The following LYPD6 variants were observed in gnomAD, a reference collection of about 807,000 sequenced individuals.
LYPD6 encodes ly6/PLAUR domain-containing protein 6.
In LYPD6, 15 loss-of-function variants were observed where a neutral mutation model predicts 22.7. That is an observed-to-expected ratio of 0.66 (90% CI 0.44 to 1.02). The LOEUF (loss-of-function observed/expected upper bound fraction) is 1.02. Among genes scored for constraint, LYPD6 ranks in the 50% least tolerant of loss-of-function variants. The pLI is 0.00. For synonymous variants in LYPD6, 72 were observed against 77.5 expected (o/e 0.93, Z 0.37); for missense variants, 189 against 208.4 (o/e 0.91, Z 0.57).
intron 1 of LYPD6, among the ~76,000 whole-genome samples, chr2:149,337,042 T>C (rs1441678643): frequency 6.6e-6 from 1 of 152,002 alleles, no homozygotes; most frequent in Non-Finnish European, 1.5e-5. Flanking sequence ...TTACATTCAA[T>C]GGATTTTACA....
intron 1 of LYPD6, among the ~76,000 whole-genome samples, chr2:149,415,991 A>G (rs186619784): frequency 6.6e-6 from 1 of 152,228 alleles, no homozygotes; most frequent in Admixed American, 6.5e-5. Flanking sequence ...CTAACCTGTA[A>G]TTCTAAGAAA....
chr2:149,475,495 A>T (rs1373146868), downstream of LYPD6, among the ~76,000 whole-genome samples: 1 of 152,196 alleles, frequency 6.6e-6, no homozygotes, highest in Non-Finnish European at 1.5e-5. Flanking sequence ...GCAAATTTCC[A>T]AAGTGTCTTT....
chr2:149,475,515 C>T (rs1228466217), downstream of LYPD6, among the ~76,000 whole-genome samples: 1 of 152,152 alleles, frequency 6.6e-6, no homozygotes, highest in Non-Finnish European at 1.5e-5. Context: ...TCAAATGAAG[C>T]CTTCACTTTC....
chr2:149,452,797 T>C (rs753029128), intron 3 of LYPD6, among the ~76,000 whole-genome samples: 3 of 152,198 alleles, frequency 2.0e-5, no homozygotes, highest in Non-Finnish European at 4.4e-5. Flanking sequence ...TCAGACTTGT[T>C]TTGAGTTATT....
At chr2:149,375,528 CTAAAAA>C (rs1559129357) in intron 1 of LYPD6, among the ~76,000 whole-genome samples, 1 of 152,108 alleles carries the variant, frequency 6.6e-6, no homozygotes, top group African/African-American at 2.4e-5. Context: ...TCCCAGTGGT[CTAAAAA>C]TAGATTTAGA....
downstream of LYPD6, among the ~76,000 whole-genome samples, chr2:149,475,698 G>C (rs1681438966): frequency 6.6e-6 from 1 of 152,210 alleles, no homozygotes; most frequent in South Asian, 2.1e-4. Flanking sequence ...CTAAAATCTA[G>C]AGCCTAAGAA....
In LYPD6 at chr2:149,417,631, T is replaced by G. The variant is rs1682993032; in HGVS notation, c.-71-20007T>G. 4.6e-5 allele frequency among the ~76,000 whole-genome samples: 7 copies of G among 152,284 alleles called. No individual in the cohort carries two copies. In the South Asian group the frequency reaches 1.5e-3, roughly 32 times the overall value. On this transcript the variant is annotated intron_variant, in intron 1 of 4. Transcript: ENST00000334166. ...ACCAGAAAGGATTTCATGTGTTAAA[T>G]TTTTGATGCTGCATTTTAGAGTAAA... is the stretch of plus-strand genomic sequence containing the variant.
chr2:149,374,164 T>C (rs1681868020), intron 1 of LYPD6, among the ~76,000 whole-genome samples: 1 of 152,074 alleles, frequency 6.6e-6, no homozygotes. Context: ...ATCTCAATAA[T>C]GGAAAGAAAC....
intron 1 of LYPD6, among the ~76,000 whole-genome samples, chr2:149,420,567 TC>T (rs1683056088): frequency 6.6e-6 from 1 of 152,152 alleles, no homozygotes; most frequent in African/African-American, 2.4e-5. Flanking sequence ...GACAACCACT[TC>T]CATCAAGAGG....
chr2:149,349,175 A>G (rs1210234572), intron 1 of LYPD6, among the ~76,000 whole-genome samples: 2 of 152,110 alleles, frequency 1.3e-5, no homozygotes, highest in African/African-American at 4.8e-5. Flanking sequence ...TTCAGGGGAG[A>G]CATCTGGGCT....
chr2:149,403,416 T>C (rs1181592369), intron 1 of LYPD6, among the ~76,000 whole-genome samples: 11 of 149,480 alleles, frequency 7.4e-5, no homozygotes, highest in Middle Eastern at 3.4e-3. Context: ...TTTTAATGAT[T>C]GCCATTCTAA....
At chr2:149,330,502 G>A (rs1411080965), upstream of LYPD6, 1 of 149,108 alleles carries the variant, frequency 6.7e-6, no homozygotes, top group Non-Finnish European at 1.5e-5. Flanking sequence ...GGCCGGCCGC[G>A]GCTGCGGGCG....
At chr2:149,478,091 T>G (rs1573840988), downstream of LYPD6, among the ~76,000 whole-genome samples, 1 of 152,150 alleles carries the variant, frequency 6.6e-6, no homozygotes, top group East Asian at 1.9e-4. Context: ...TAGAATCACC[T>G]GGGGTAGGGG....
chr2:149,441,542 T>C (rs1366991568), intron 2 of LYPD6, among the ~76,000 whole-genome samples: 1 of 152,232 alleles, frequency 6.6e-6, no homozygotes, highest in Non-Finnish European at 1.5e-5. Flanking sequence ...CTTTGAAGTT[T>C]CTGAACATTT....
At chr2:149,430,507 C>T (rs1272571861) in intron 1 of LYPD6, among the ~76,000 whole-genome samples, 1 of 152,144 alleles carries the variant, frequency 6.6e-6, no homozygotes, top group African/African-American at 2.4e-5. Context: ...TTTGAAAGAC[C>T]TACCTTTAGT....
chr2:149,375,728 G>C (rs551964501), intron 1 of LYPD6, among the ~76,000 whole-genome samples: 16 of 152,194 alleles, frequency 1.1e-4, no homozygotes, highest in African/African-American at 3.9e-4. Context: ...ATTGCTGTTT[G>C]TTATTTTTTA....
At position 149,415,674 on chromosome 2, in the gene LYPD6, T is replaced by C. The variant is rs77975461; in HGVS notation, c.-71-21964T>C. ...TAGGCCTTACACTAAACTGTAATTCTTTTTTTCTTGGAGACAGGGTTTCAC... is the reference window on the plus strand; with the variant it reads ...TAGGCCTTACACTAAACTGTAATTCCTTTTTTCTTGGAGACAGGGTTTCAC... On this transcript the variant is annotated intron_variant, in intron 1 of 4. Coordinates refer to ENST00000334166, the MANE Select transcript of LYPD6 (RefSeq NM_194317.5). Among the ~76,000 whole-genome samples the C allele has an allele frequency of 6.6e-3, 1,010 of 152,142 alleles. 9 individuals carry two copies. Among genetic ancestry groups the C allele is most frequent in the African/African-American group, 0.023 (942 of 41,500 alleles).
At chr2:149,449,967 T>TAAG (rs538367177) in intron 3 of LYPD6, among the ~76,000 whole-genome samples, 137 of 152,320 alleles carry the variant, frequency 9.0e-4, no homozygotes, top group African/African-American at 3.2e-3. Flanking sequence ...GAGTATTATA[T>TAAG]AAGAGTTCTC....
At chr2:149,410,262 G>A (rs1682823152) in intron 1 of LYPD6, among the ~76,000 whole-genome samples, 1 of 152,036 alleles carries the variant, frequency 6.6e-6, no homozygotes, top group African/African-American at 2.4e-5. Flanking sequence ...GTTTGTAAGT[G>A]CATCTGTTGG....
Sources: gnomAD v4.1 joint callset for allele counts (sites outside exome capture counted in the v4.1 genomes callset) on GRCh38, gnomAD v4.1.1 for gene constraint, MANE v1.5 for transcripts, NCBI Gene and HGNC (gene_info 2026-07-23, HGNC 2026-07-21) for gene names.